The following IMMP2L variants were observed in gnomAD, a reference collection of about 807,000 sequenced individuals.
The protein encoded by IMMP2L is inner mitochondrial membrane peptidase subunit 2.
In IMMP2L, 18 loss-of-function variants were observed where a neutral mutation model predicts 19.3. The observed-to-expected ratio is 0.93, with a 90% CI of 0.64 to 1.38. The LOEUF (loss-of-function observed/expected upper bound fraction) is 1.38. Ranked by LOEUF, IMMP2L falls within the 40% of genes most tolerant of loss-of-function variation. The pLI is 0.00. For synonymous variants in IMMP2L, 76 were observed against 73.0 expected (o/e 1.04, Z -0.21); for missense variants, 233 against 218.2 (o/e 1.07, Z -0.43).
intron 5 of IMMP2L, among the ~76,000 whole-genome samples, chr7:110,779,309 AATGAGTGTAAATAATTGTCTTTTC>A (rs1799588921): frequency 6.6e-6 from 1 of 151,984 alleles, no homozygotes; most frequent in African/African-American, 2.4e-5. Context: ...TTTTATATGC[AATGAGTGTAAATAATTGTCTTTTC>A]ATTCAAACAT....
At position 110,720,190 on chromosome 7, in the gene IMMP2L, C is replaced by G. The variant is rs115948749; in HGVS notation, c.409-56469G>C. 5.2e-3 allele frequency among the ~76,000 whole-genome samples: 792 copies of G among 152,072 alleles called. 10 individuals carry two copies. The highest frequency in any genetic ancestry group is 0.018 in the African/African-American group (756 of 41,496). ...CTACAAAGCCAAAAGCAAGAGATCA[C>G]GAACAACAAAATTTAAGAGGTACCC... On this transcript the variant is annotated intron_variant, in intron 5 of 5. Transcript: ENST00000405709.
intron 3 of IMMP2L, among the ~76,000 whole-genome samples, chr7:111,082,554 G>C (rs1349354569): frequency 6.6e-6 from 1 of 152,056 alleles, no homozygotes; most frequent in Admixed American, 6.6e-5. Context: ...AGAGTGTTCA[G>C]ACAAAACGAG....
intron 3 of IMMP2L, among the ~76,000 whole-genome samples, chr7:111,161,602 T>C (rs750266287): frequency 2.0e-5 from 3 of 151,972 alleles, no homozygotes; most frequent in Non-Finnish European, 4.4e-5. Flanking sequence ...TAATGATGAA[T>C]GTTTTAGGTA....
chr7:111,321,213 C>A (rs564443475), intron 3 of IMMP2L, among the ~76,000 whole-genome samples: 1 of 151,830 alleles, frequency 6.6e-6, no homozygotes, highest in Non-Finnish European at 1.5e-5. Flanking sequence ...TTTGCTCCTA[C>A]GATAATACCA....
intron 3 of IMMP2L, among the ~76,000 whole-genome samples, chr7:111,222,281 A>T (rs1306915599): frequency 1.3e-5 from 2 of 152,004 alleles, no homozygotes; most frequent in Non-Finnish European, 2.9e-5. Flanking sequence ...CACAAGAGTA[A>T]GAAAATTCCT....
chr7:111,280,306 T>C (rs1044096460), intron 3 of IMMP2L, among the ~76,000 whole-genome samples: 7 of 152,146 alleles, frequency 4.6e-5, no homozygotes, highest in African/African-American at 1.7e-4. Context: ...CCTGCATGGC[T>C]CATTCACATC....
chr7:111,487,346 A>T lies in IMMP2L; in HGVS notation c.136-5T>A. 1.3e-6 allele frequency: 2 copies of T among 1,536,198 alleles called. No individual in the cohort carries two copies. The highest frequency in any genetic ancestry group is 1.8e-6 in the Non-Finnish European group (2 of 1,109,312). On this transcript the variant is annotated splice_polypyrimidine_tract_variant and splice_region_variant and intron_variant, in intron 2 of 5. Coordinates refer to ENST00000405709, the MANE Select transcript of IMMP2L (RefSeq NM_032549.4). ...CCCCCCAGGATTCAAAGAAGGCTAG[A>T]AAATAAGGAGAAAGAGACACTTCTA...
intron 2 of IMMP2L, among the ~76,000 whole-genome samples, chr7:111,488,876 AT>A (rs1430548104): frequency 5.3e-5 from 8 of 151,830 alleles, no homozygotes; most frequent in African/African-American, 1.9e-4. Context: ...TTATTCTTTG[AT>A]TTTTTGATTA....
chr7:111,446,689 G>A (rs899179329), intron 3 of IMMP2L, among the ~76,000 whole-genome samples: 65 of 152,184 alleles, frequency 4.3e-4, no homozygotes, highest in African/African-American at 1.1e-3. Context: ...CACCAGCAAC[G>A]GAACAAAACT....
At chr7:111,077,794 C>T (rs991411464) in intron 3 of IMMP2L, among the ~76,000 whole-genome samples, 22 of 152,172 alleles carry the variant, frequency 1.4e-4, no homozygotes, top group African/African-American at 5.3e-4. Flanking sequence ...CCCTGGTCAC[C>T]ATTCAGGCCT....
Position 111,415,702 on chromosome 7 carries a change from G to GA in IMMP2L, c.239+71535dup, listed in dbSNP as rs565704920. On this transcript the variant is annotated intron_variant, in intron 3 of 5. Coordinates refer to ENST00000405709, the MANE Select transcript of IMMP2L (RefSeq NM_032549.4). Reference sequence around the variant, plus strand: ...ATATATGACACAACCACAGCCTATAGAAAAAAATTACACACCTGAGAATAA... The same window carrying GA: ...ATATATGACACAACCACAGCCTATAGAAAAAAAATTACACACCTGAGAATAA... Among the ~76,000 whole-genome samples the GA allele has an allele frequency of 2.5e-3, 373 of 151,704 alleles. 13 individuals are homozygous for GA. The highest frequency in any genetic ancestry group is 8.6e-3 in the African/African-American group (355 of 41,200).
At chr7:110,999,980 T>A (rs1165761895) in intron 3 of IMMP2L, among the ~76,000 whole-genome samples, 1 of 152,162 alleles carries the variant, frequency 6.6e-6, no homozygotes. Flanking sequence ...AGAGCTCTAC[T>A]CCCTTTTCTC....
At chr7:111,315,374 AAG>A (rs1823950294) in intron 3 of IMMP2L, among the ~76,000 whole-genome samples, 1 of 152,082 alleles carries the variant, frequency 6.6e-6, no homozygotes, top group Non-Finnish European at 1.5e-5. Context: ...CTTTACTAAA[AAG>A]TATTTATCTG....
At chr7:111,070,704 C>A (rs1296788475) in intron 3 of IMMP2L, among the ~76,000 whole-genome samples, 1 of 152,132 alleles carries the variant, frequency 6.6e-6, no homozygotes, top group Non-Finnish European at 1.5e-5. Flanking sequence ...ACCATAGTGG[C>A]CATATTTGGA....
chr7:111,479,239 A>G (rs975659526), intron 3 of IMMP2L, among the ~76,000 whole-genome samples: 1 of 152,146 alleles, frequency 6.6e-6, no homozygotes, highest in Non-Finnish European at 1.5e-5. Context: ...GTGAAAAATG[A>G]CACCAAATAC....
intron 5 of IMMP2L, among the ~76,000 whole-genome samples, chr7:110,715,314 G>T (rs1795167609): frequency 6.6e-6 from 1 of 151,618 alleles, no homozygotes. Flanking sequence ...CTAGCTTTGG[G>T]GTTCGTTTGT....
chr7:110,983,725 T>C (rs1388598886), intron 3 of IMMP2L, among the ~76,000 whole-genome samples: 1 of 152,046 alleles, frequency 6.6e-6, no homozygotes, highest in African/African-American at 2.4e-5. Context: ...TAGAAATGAC[T>C]GTCTCGGTAT....
At chr7:110,998,234 C>T (rs1206640461) in intron 3 of IMMP2L, among the ~76,000 whole-genome samples, 1 of 152,096 alleles carries the variant, frequency 6.6e-6, no homozygotes, top group East Asian at 1.9e-4. Context: ...CTACAAAAAG[C>T]ATGAATTTTA....
chr7:111,122,909 T>C, intron 3 of IMMP2L: 1 of 1,614,034 alleles, frequency 6.2e-7, no homozygotes, highest in Non-Finnish European at 8.5e-7. Flanking sequence ...CCCAGATCCA[T>C]TTATATGGAA....
Sources: gnomAD v4.1 joint callset for allele counts (sites outside exome capture counted in the v4.1 genomes callset) on GRCh38, gnomAD v4.1.1 for gene constraint, MANE v1.5 for transcripts, NCBI Gene and HGNC (gene_info 2026-07-23, HGNC 2026-07-21) for gene names.